ADAMTSL3: variants seen among roughly 807,000 people sequenced by gnomAD.
ADAMTSL3 encodes the protein ADAMTS like 3, also known as ADAMTS-like protein 3.
A neutral mutation model predicts 201.7 loss-of-function variants in ADAMTSL3; 128 were observed. That is an observed-to-expected ratio of 0.63 (90% CI 0.55 to 0.73). The LOEUF (loss-of-function observed/expected upper bound fraction) is 0.73, where lower values mean the gene tolerates loss of function less well. Among genes scored for constraint, ADAMTSL3 ranks in the 30% least tolerant of loss-of-function variants. ADAMTSL3 has a pLI of 0.00. For missense variants in ADAMTSL3, 1,990 were observed against 2,119.6 expected, an observed-to-expected ratio of 0.94 and a Z score of 1.20; for synonymous variants, 738 against 748.4, an observed-to-expected ratio of 0.99 and a Z score of 0.23.
intron 7 of ADAMTSL3, among the ~76,000 whole-genome samples, chr15:83,843,922 A>G (rs2064438219): frequency 6.6e-6 from 1 of 152,234 alleles, no homozygotes; most frequent in South Asian, 2.1e-4. Context: ...CTGACAACCA[A>G]CATAAACAGC....
At chr15:83,784,708 A>C (rs867867226) in intron 4 of ADAMTSL3, among the ~76,000 whole-genome samples, 15 of 152,090 alleles carry the variant, frequency 9.9e-5, no homozygotes, top group Non-Finnish European at 7.4e-5. Flanking sequence ...ATACTTAAAA[A>C]CCACATTTTA....
At chr15:84,023,975 G>T (rs568069457) in intron 26 of ADAMTSL3, among the ~76,000 whole-genome samples, 1 of 152,146 alleles carries the variant, frequency 6.6e-6, no homozygotes, top group Admixed American at 6.5e-5. Context: ...CTGATATATC[G>T]CCGGGCGCAG....
intron 3 of ADAMTSL3, among the ~76,000 whole-genome samples, chr15:83,748,310 A>G (rs1193800780): frequency 6.6e-6 from 1 of 152,132 alleles, no homozygotes. Flanking sequence ...TCCTTCATTG[A>G]TCACTCACTG....
chr15:83,942,101 A>C (rs572720339), intron 17 of ADAMTSL3, among the ~76,000 whole-genome samples: 1 of 152,336 alleles, frequency 6.6e-6, no homozygotes, highest in African/African-American at 2.4e-5. Context: ...TGATTTTTCC[A>C]AGATCTTATT....
chr15:83,779,173 T>G (rs1339993745), intron 4 of ADAMTSL3, among the ~76,000 whole-genome samples: 1 of 152,054 alleles, frequency 6.6e-6, no homozygotes, highest in African/African-American at 2.4e-5. Flanking sequence ...TAAAAGACTT[T>G]AACACCCCAC....
intron 17 of ADAMTSL3, among the ~76,000 whole-genome samples, chr15:83,932,823 T>C (rs1416999836): frequency 2.6e-5 from 4 of 152,078 alleles, no homozygotes; most frequent in African/African-American, 9.7e-5. Flanking sequence ...TAAAAACACA[T>C]GAAGAAACAA....
At chr15:83,966,797 A>G (rs1438811477) in intron 19 of ADAMTSL3, among the ~76,000 whole-genome samples, 1 of 152,244 alleles carries the variant, frequency 6.6e-6, no homozygotes, top group Non-Finnish European at 1.5e-5. Flanking sequence ...ATATTGGCAA[A>G]CTGAATCCAG....
intron 17 of ADAMTSL3, among the ~76,000 whole-genome samples, chr15:83,936,721 A>G (rs56144258): frequency 0.01 from 1,585 of 151,232 alleles, 135 homozygotes; most frequent in African/African-American, 0.037. Context: ...AACAGAGTAA[A>G]TAGCCAACCT....
chr15:83,988,606 G>T, intron 21 of ADAMTSL3, 85 bp from the exon 22 acceptor site: 1 of 1,230,540 alleles, frequency 8.1e-7, no homozygotes, highest in Non-Finnish European at 1.1e-6. Context: ...CTGTAATGGT[G>T]CAGTCTTCTT....
intron 4 of ADAMTSL3, among the ~76,000 whole-genome samples, chr15:83,800,900 C>T (rs927415450): frequency 2.0e-5 from 3 of 152,092 alleles, no homozygotes; most frequent in African/African-American, 7.2e-5. Flanking sequence ...TTATTTTCTT[C>T]TTTTGTTCAT....
intron 20 of ADAMTSL3, among the ~76,000 whole-genome samples, chr15:83,976,254 T>C (rs2067285809): frequency 6.6e-6 from 1 of 152,122 alleles, no homozygotes; most frequent in Non-Finnish European, 1.5e-5. Context: ...GTGATGTCAT[T>C]GAATGCAGAG....
intron 2 of ADAMTSL3, among the ~76,000 whole-genome samples, chr15:83,683,859 G>T (rs935203174): frequency 6.6e-6 from 1 of 152,204 alleles, no homozygotes; most frequent in Non-Finnish European, 1.5e-5. Context: ...TCATACAGCT[G>T]TGTTTTTCCC....
intron 2 of ADAMTSL3, among the ~76,000 whole-genome samples, chr15:83,687,815 G>A (rs1272898649): frequency 6.6e-6 from 1 of 152,134 alleles, no homozygotes; most frequent in Non-Finnish European, 1.5e-5. Context: ...CAGTACTGAT[G>A]GCGGGGATGG....
intron 3 of ADAMTSL3, among the ~76,000 whole-genome samples, chr15:83,762,566 C>T (rs977433381): frequency 2.0e-5 from 3 of 152,120 alleles, no homozygotes; most frequent in African/African-American, 2.4e-5. Context: ...AGGGCACGAA[C>T]GCTATGTCCT....
intron 3 of ADAMTSL3, among the ~76,000 whole-genome samples, chr15:83,764,376 C>G (rs1450583360): frequency 6.6e-6 from 1 of 152,162 alleles, no homozygotes; most frequent in African/African-American, 2.4e-5. Context: ...CAGATCCACT[C>G]TCCACCCTTC....
Position 83,761,066 on chromosome 15 carries a change from T to C in ADAMTSL3, c.190-12457T>C, listed in dbSNP as rs529974518. On this transcript the variant is annotated intron_variant, in intron 3 of 29. Transcript: ENST00000286744. ...CCATTTTTGCCTTCTTTTGGATTGA[T>C]TAAATGTGTTTTCTTATTATATCTT... 2.6e-5 allele frequency among the ~76,000 whole-genome samples: 4 copies of C among 152,266 alleles called. No homozygotes were observed. In the East Asian group the frequency reaches 7.7e-4, roughly 29 times the overall value.
Position 83,923,265 on chromosome 15 carries a change from A to G in ADAMTSL3, c.1988-639A>G, listed in dbSNP as rs78048024. On this transcript the variant is annotated intron_variant, in intron 16 of 29. Coordinates refer to ENST00000286744, the MANE Select transcript of ADAMTSL3 (RefSeq NM_207517.3). The stretch of plus-strand genomic sequence containing the variant: ...TAGACCTCAGTTTCCTTAGTATTAA[A>G]TTAATAAAATGGAGGTAATAATACT... 9.8e-5 allele frequency among the ~76,000 whole-genome samples: 15 copies of G among 152,318 alleles called. No individual in the cohort carries two copies. The East Asian group carries it at 2.7e-3, about 27-fold the overall frequency.
chr15:83,978,673 C>G (rs2067331262), intron 20 of ADAMTSL3, among the ~76,000 whole-genome samples: 1 of 152,222 alleles, frequency 6.6e-6, no homozygotes, highest in African/African-American at 2.4e-5. Context: ...ACTGTGGAAC[C>G]TGGCAGCCTG....
chr15:83,789,953 A>G (rs984973790), intron 4 of ADAMTSL3, among the ~76,000 whole-genome samples: 5 of 152,204 alleles, frequency 3.3e-5, no homozygotes, highest in East Asian at 1.9e-4. Context: ...TGCAGAGCTA[A>G]TTGAGTTGCT....
Sources: gnomAD v4.1 joint callset for allele counts (sites outside exome capture counted in the v4.1 genomes callset) on GRCh38, gnomAD v4.1.1 for gene constraint, MANE v1.5 for transcripts, NCBI Gene and HGNC (gene_info 2026-07-23, HGNC 2026-07-21) for gene names.